The following DACH1 variants were observed in gnomAD, a reference collection of about 807,000 sequenced individuals.
The protein encoded by DACH1 is dachshund family transcription factor 1, also known as dachshund homolog 1.
Under a neutral mutation model 54.2 loss-of-function variants are expected in DACH1, and 12 were observed. That is an observed-to-expected ratio of 0.22 (90% confidence interval 0.14 to 0.36). The LOEUF is 0.36. DACH1 is among the 10% of genes least tolerant of loss of function. The pLI, the probability that DACH1 is intolerant of heterozygous loss-of-function variation, is 1.00. For missense variants in DACH1, 805 were observed against 929.8 expected, an observed-to-expected ratio of 0.87 and a Z score of 1.75; for synonymous variants, 386 against 366.2, an observed-to-expected ratio of 1.05 and a Z score of -0.62.
intron 8 of DACH1, among the ~76,000 whole-genome samples, chr13:71,476,793 A>G (rs1877559017): frequency 6.6e-6 from 1 of 151,900 alleles, no homozygotes; most frequent in South Asian, 2.1e-4. Flanking sequence ...TACTACATAT[A>G]TATGTATACA....
chr13:71,652,670 T>G (rs1310270661), intron 2 of DACH1, among the ~76,000 whole-genome samples: 1 of 152,152 alleles, frequency 6.6e-6, no homozygotes, highest in East Asian at 1.9e-4. Context: ...TGATTATGTC[T>G]TCCTCCGCCT....
intron 1 of DACH1, among the ~76,000 whole-genome samples, chr13:71,783,964 T>C (rs1326778400): frequency 1.7e-5 from 2 of 116,196 alleles, no homozygotes; most frequent in African/African-American, 3.3e-5. Context: ...CTCCAAGGTT[T>C]AAAAAAAAAA....
intron 3 of DACH1, among the ~76,000 whole-genome samples, chr13:71,606,920 G>T (rs376883900): frequency 2.5e-4 from 38 of 152,124 alleles, no homozygotes; most frequent in African/African-American, 8.7e-4. Flanking sequence ...CCTACCTTTA[G>T]TTTGAGCATT....
intron 6 of DACH1, among the ~76,000 whole-genome samples, chr13:71,553,796 A>G (rs1019433420): frequency 4.6e-5 from 7 of 151,320 alleles, no homozygotes; most frequent in African/African-American, 1.7e-4. Flanking sequence ...ATGGTGACTT[A>G]ATTTTTTGGG....
chr13:71,565,837 T>C (rs1884863947), intron 4 of DACH1, among the ~76,000 whole-genome samples: 1 of 152,166 alleles, frequency 6.6e-6, no homozygotes, highest in African/African-American at 2.4e-5. Context: ...ACTATATTTT[T>C]CCCAAGTGTG....
rs1317054868 is a variant in DACH1 at position 71,743,801 on chromosome 13, C to T, written c.849-61891G>A. ...AAAAGAAAATTATATTTTAAAGGAACTTTTCATGTCTTTTTCAAATAAAAT... is the reference window on the plus strand; with the variant it reads ...AAAAGAAAATTATATTTTAAAGGAATTTTTCATGTCTTTTTCAAATAAAAT... On this transcript the variant is annotated intron_variant, in intron 1 of 10. Transcript: ENST00000613252. 2.6e-5 allele frequency among the ~76,000 whole-genome samples: 4 copies of T among 152,200 alleles called. No individual in the cohort carries two copies. In the East Asian group the frequency reaches 7.7e-4, roughly 29 times the overall value.
At chr13:71,487,653 T>G (rs2138200557) in intron 7 of DACH1, among the ~76,000 whole-genome samples, 1 of 152,304 alleles carries the variant, frequency 6.6e-6, no homozygotes, top group East Asian at 1.9e-4. Context: ...GAAATTGAAA[T>G]TAAATCCTCA....
intron 1 of DACH1, among the ~76,000 whole-genome samples, chr13:71,738,507 G>A (rs902921536): frequency 5.3e-5 from 8 of 151,880 alleles, no homozygotes; most frequent in Admixed American, 5.2e-4. Flanking sequence ...CGAGGTGGGA[G>A]GATCATGAGG....
chr13:71,542,818 T>C (rs969802418), intron 6 of DACH1, among the ~76,000 whole-genome samples: 1 of 152,132 alleles, frequency 6.6e-6, no homozygotes, highest in Non-Finnish European at 1.5e-5. Flanking sequence ...AGTCTACCTC[T>C]ATATAAGGAA....
intron 1 of DACH1, among the ~76,000 whole-genome samples, chr13:71,854,304 C>G (rs1006933078): frequency 3.3e-5 from 5 of 150,460 alleles, no homozygotes; most frequent in Admixed American, 1.3e-4. Context: ...CACAATTTCA[C>G]TAGAGTTTCA....
intron 1 of DACH1, among the ~76,000 whole-genome samples, chr13:71,846,586 C>T (rs952177357): frequency 6.6e-6 from 1 of 152,164 alleles, no homozygotes; most frequent in Non-Finnish European, 1.5e-5. Context: ...GCCGAGATGG[C>T]GCCACCTCAC....
rs1025858370 is a variant in DACH1 at position 71,785,757 on chromosome 13, C to T, written c.848+80165G>A. 8.5e-5 allele frequency among the ~76,000 whole-genome samples: 13 copies of T among 152,314 alleles called. 1 individual carries two copies. The East Asian group carries it at 2.3e-3, about 27-fold the overall frequency. On this transcript the variant is annotated intron_variant, in intron 1 of 10. Coordinates refer to ENST00000613252, the MANE Select transcript of DACH1 (RefSeq NM_080759.6). ...TAGAAAGGTATCTTCACTTTTTCCA[C>T]CCAGCATCTTTATTCTCTTCACATG...
chr13:71,497,157 T>C (rs1218272924), intron 6 of DACH1, among the ~76,000 whole-genome samples: 1 of 152,168 alleles, frequency 6.6e-6, no homozygotes, highest in African/African-American at 2.4e-5. Flanking sequence ...TCCAATTAGA[T>C]TATGCATGTG....
chr13:71,722,839 T>C (rs1400941036), intron 1 of DACH1, among the ~76,000 whole-genome samples: 1 of 152,100 alleles, frequency 6.6e-6, no homozygotes, highest in Non-Finnish European at 1.5e-5. Context: ...TATTCGTGGC[T>C]TTCTCATAAA....
chr13:71,677,147 AC>A (rs755804145), intron 2 of DACH1, among the ~76,000 whole-genome samples: 1 of 152,130 alleles, frequency 6.6e-6, no homozygotes, highest in Non-Finnish European at 1.5e-5. Context: ...TTCCTAAATA[AC>A]CCCTTTCTTA....
At chr13:71,534,897 C>T (rs1166835514) in intron 6 of DACH1, among the ~76,000 whole-genome samples, 4 of 151,756 alleles carry the variant, frequency 2.6e-5, no homozygotes, top group African/African-American at 9.6e-5. Context: ...TTTATAAGAG[C>T]TAAATGAGTG....
chr13:71,501,322 T>C (rs998255081), intron 6 of DACH1, among the ~76,000 whole-genome samples: 1 of 152,144 alleles, frequency 6.6e-6, no homozygotes, highest in Non-Finnish European at 1.5e-5. Flanking sequence ...TACGCATATA[T>C]GAAAACAGGT....
chr13:71,732,645 A>C (rs1272243151), intron 1 of DACH1, among the ~76,000 whole-genome samples: 3 of 151,746 alleles, frequency 2.0e-5, no homozygotes, highest in African/African-American at 7.3e-5. Context: ...GAGGTCAGCA[A>C]ATAATAGTCT....
chr13:71,622,072 T>TA (rs34941774), intron 3 of DACH1, among the ~76,000 whole-genome samples: 22,073 of 152,022 alleles, frequency 0.15, 3,702 homozygotes, highest in African/African-American at 0.4. Context: ...TATTTCATCT[T>TA]AATGAATTGA....
Sources: allele counts gnomAD v4.1 joint callset (sites outside exome capture counted in the v4.1 genomes callset), GRCh38; gene constraint gnomAD v4.1.1; transcripts MANE v1.5; gene names NCBI Gene and HGNC (gene_info 2026-07-23, HGNC 2026-07-21).